Variants in DYNC1LI1 observed in about 807,000 individuals in gnomAD.
The protein encoded by DYNC1LI1 is dynein cytoplasmic 1 light intermediate chain 1.
Under a neutral mutation model 63.8 loss-of-function variants are expected in DYNC1LI1, and 19 were observed. The observed-to-expected ratio is 0.30, with a 90% CI of 0.21 to 0.44. The LOEUF (loss-of-function observed/expected upper bound fraction) is 0.44. Among genes scored for constraint, DYNC1LI1 ranks in the 20% least tolerant of loss-of-function variants. DYNC1LI1 has a pLI of 1.00. For synonymous variants in DYNC1LI1, 225 were observed against 232.3 expected, an observed-to-expected ratio of 0.97 and a Z score of 0.28; for missense variants, 565 against 630.2, an observed-to-expected ratio of 0.90 and a Z score of 1.11.
intron 2 of DYNC1LI1, among the ~76,000 whole-genome samples, chr3:32,565,041 T>G (rs1040310385): frequency 1.2e-4 from 19 of 152,220 alleles, no homozygotes; most frequent in African/African-American, 4.3e-4. Flanking sequence ...TGTGGGACTT[T>G]TGGCTGCATA....
chr3:32,561,452 C>G (rs1458624833), intron 2 of DYNC1LI1, among the ~76,000 whole-genome samples: 1 of 151,308 alleles, frequency 6.6e-6, no homozygotes, highest in African/African-American at 2.4e-5. Context: ...CACAGCGAAA[C>G]CCCGTCTCTA....
intron 5 of DYNC1LI1, among the ~76,000 whole-genome samples, chr3:32,539,509 T>C (rs1697848103): frequency 1.3e-5 from 2 of 151,964 alleles, no homozygotes; most frequent in Non-Finnish European, 1.5e-5. Flanking sequence ...TAGGACCAAG[T>C]GGGGAGAACA....
chr3:32,540,997 A>G lies in DYNC1LI1; in HGVS notation c.738+40T>C, dbSNP rs1206781002. 3.4e-6 allele frequency: 5 copies of G among 1,484,482 alleles called. No individual in the cohort carries two copies. In the South Asian group the frequency reaches 6.8e-5, roughly 20 times the overall value. The allele number at this position is 1,484,482 out of a possible 1,614,324, so 92.0% of individuals were successfully genotyped here. ...GAAAACAAAACAGTTGTTCATCCTC[A>G]GTGAATATCAGTTGCAGAATCCCTA... On this transcript the variant is annotated intron_variant, in intron 5 of 12. Transcript: ENST00000273130.
intron 5 of DYNC1LI1, among the ~76,000 whole-genome samples, chr3:32,538,135 G>A (rs1250531581): frequency 1.7e-5 from 2 of 120,554 alleles, no homozygotes; most frequent in African/African-American, 3.2e-5. Flanking sequence ...CTAACAGGGT[G>A]CAGTGGTATG....
Position 32,570,855 on chromosome 3 carries a change from A to C in DYNC1LI1, c.-85T>G, listed in dbSNP as rs1296620991. The C allele has an allele frequency of 2.0e-6, 3 of 1,477,474 alleles. No individual in the cohort carries two copies. The highest frequency in any genetic ancestry group is 2.7e-6 in the Non-Finnish European group (3 of 1,104,756). 91.5% of individuals were successfully genotyped at this position (1,477,474 alleles called of 1,614,324 possible). ...GGCGGTGGAGGCGGCGGGAACCCGG[A>C]TATGGGGCGTTCAGCGCACGGGAGC... On this transcript the variant is annotated 5_prime_UTR_variant, in exon 1 of 13. Transcript: ENST00000273130.
chr3:32,566,943 G>A (rs1384687822), intron 2 of DYNC1LI1, among the ~76,000 whole-genome samples: 5 of 152,180 alleles, frequency 3.3e-5, no homozygotes, highest in Admixed American at 1.3e-4. Flanking sequence ...CAAGAAAGAA[G>A]AGTTAATATC....
At position 32,545,055 on chromosome 3, in the gene DYNC1LI1, C is replaced by G. The variant is rs138117084; in HGVS notation, c.389G>C (p.Gly130Ala). Residue 130 changes from glycine (G) to alanine (A), a missense_variant, in exon 4 of 13, where the codon GGC becomes GCC. Transcript: ENST00000273130. ...GGCATCCAGTGAAAATTTAAGGAGGCCTTTGTGATATAGGTCTCCATCTAA... is the reference window on the plus strand; with the variant it reads ...GGCATCCAGTGAAAATTTAAGGAGGGCTTTGTGATATAGGTCTCCATCTAA... ...WILDGDLYHK[G>A]LLKFSLDAVS... is the part of the protein sequence containing the mutation. The G allele has an allele frequency of 3.1e-6, 5 of 1,613,892 alleles. No individual in the cohort carries two copies. The highest frequency in any genetic ancestry group is 4.2e-6 in the Non-Finnish European group (5 of 1,179,940).
chr3:32,546,930 A>G (rs1160801214), intron 2 of DYNC1LI1, among the ~76,000 whole-genome samples: 2 of 152,180 alleles, frequency 1.3e-5, no homozygotes, highest in Non-Finnish European at 2.9e-5. Flanking sequence ...TGACACAAGT[A>G]TTTTTTAAAA....
At chr3:32,535,640 C>T (rs1697763999) in intron 6 of DYNC1LI1, among the ~76,000 whole-genome samples, 1 of 152,128 alleles carries the variant, frequency 6.6e-6, no homozygotes, top group African/African-American at 2.4e-5. Context: ...TAATGCTCTT[C>T]CCCACAATGA....
At position 32,541,060 on chromosome 3, in the gene DYNC1LI1, G is replaced by A. The variant is rs1380300214; in HGVS notation, c.715C>T (p.Pro239Ser). The A allele has an allele frequency of 1.2e-6, 2 of 1,611,362 alleles. No homozygotes were observed. The highest frequency in any genetic ancestry group is 1.7e-6 in the Non-Finnish European group (2 of 1,178,770). ...ADTLTHNLGIPVLVVCTKCDA... is the reference protein window; with the variant it reads ...ADTLTHNLGISVLVVCTKCDA... ...ACCTTTGTGCAAACTACTAGTACTG[G>A]AATGCCCAAGTTATGTGTAAGTGTA... Residue 239 changes from proline to serine, a missense_variant, in exon 5 of 13, where the codon CCA becomes TCA. Physicochemically the swap from Pro to Ser is moderately conservative, Grantham distance 74 (BLOSUM62 -1). Coordinates refer to ENST00000273130, the MANE Select transcript of DYNC1LI1 (RefSeq NM_016141.4).
At chr3:32,528,112 CAAAA>C (rs60912161) in intron 12 of DYNC1LI1, among the ~76,000 whole-genome samples, 4 of 29,898 alleles carry the variant, frequency 1.3e-4, no homozygotes, top group Admixed American at 5.2e-4. Flanking sequence ...GACTCCATCT[CAAAA>C]AAAAAAAAAA....
intron 2 of DYNC1LI1, among the ~76,000 whole-genome samples, chr3:32,556,762 G>C (rs1698120429): frequency 6.6e-6 from 1 of 152,096 alleles, no homozygotes; most frequent in Admixed American, 6.5e-5. Context: ...GGCTGGTCTT[G>C]AACTCAAGCA....
chr3:32,530,143 A>G (rs535300029), intron 10 of DYNC1LI1, 141 bp downstream of exon 10: 64 of 732,934 alleles, frequency 8.7e-5, no homozygotes, highest in Admixed American at 2.9e-4. Context: ...ACACTTTTAA[A>G]ATCTCACAAA....
At chr3:32,553,342 A>G (rs1368433740) in intron 2 of DYNC1LI1, among the ~76,000 whole-genome samples, 14 of 152,172 alleles carry the variant, frequency 9.2e-5, no homozygotes, top group African/African-American at 3.1e-4. Flanking sequence ...TCCCAAAAAC[A>G]AAAACAAAAA....
At chr3:32,548,165 A>T (rs985313598) in intron 2 of DYNC1LI1, among the ~76,000 whole-genome samples, 8 of 152,052 alleles carry the variant, frequency 5.3e-5, no homozygotes, top group Non-Finnish European at 1.0e-4. Context: ...GTGGACCGGT[A>T]CCAGTCTATG....
At chr3:32,547,847 T>C (rs1159001857) in intron 2 of DYNC1LI1, among the ~76,000 whole-genome samples, 1 of 152,176 alleles carries the variant, frequency 6.6e-6, no homozygotes, top group East Asian at 1.9e-4. Flanking sequence ...AGATATGGTA[T>C]CAACCTAATT....
intron 4 of DYNC1LI1, among the ~76,000 whole-genome samples, chr3:32,544,541 G>A (rs1454426016): frequency 6.6e-6 from 1 of 152,126 alleles, no homozygotes; most frequent in Non-Finnish European, 1.5e-5. Context: ...AGGCCGAGTG[G>A]GGTGGATCAT....
chr3:32,534,505 A>C lies in DYNC1LI1; in HGVS notation c.968+6T>G, dbSNP rs571834023. Reference sequence around the variant, plus strand: ...GATAAAATTATATATTTAAGAGTACACTTACATAAATACTGCATCCTTTTC... The same window carrying C: ...GATAAAATTATATATTTAAGAGTACCCTTACATAAATACTGCATCCTTTTC... On this transcript the variant is annotated splice_donor_region_variant and intron_variant, in intron 7 of 12. Coordinates refer to ENST00000273130, the MANE Select transcript of DYNC1LI1 (RefSeq NM_016141.4). The C allele has an allele frequency of 7.4e-5, 115 of 1,559,014 alleles. No individual in the cohort carries two copies. The South Asian group carries it at 1.2e-3, about 16-fold the overall frequency.
At chr3:32,557,769 AC>A (rs1698135003) in intron 2 of DYNC1LI1, among the ~76,000 whole-genome samples, 1 of 152,118 alleles carries the variant, frequency 6.6e-6, no homozygotes, top group South Asian at 2.1e-4. Context: ...TAATCCAGCT[AC>A]CTATCTTCAG....
Sources: allele counts gnomAD v4.1 joint callset (sites outside exome capture counted in the v4.1 genomes callset), GRCh38; gene constraint gnomAD v4.1.1; transcripts MANE v1.5; gene names NCBI Gene and HGNC (gene_info 2026-07-23, HGNC 2026-07-21).